The following HMBOX1 variants were observed in gnomAD, a reference collection of about 807,000 sequenced individuals.
HMBOX1 encodes homeobox containing 1.
Under a neutral mutation model 54.5 loss-of-function variants are expected in HMBOX1, and 14 were observed. That is an observed-to-expected ratio of 0.26 (90% confidence interval 0.17 to 0.40). The LOEUF (loss-of-function observed/expected upper bound fraction) is 0.40, where lower values mean the gene tolerates loss of function less well. Among genes scored for constraint, HMBOX1 ranks in the 10% least tolerant of loss-of-function variants. The pLI is 1.00. For missense variants in HMBOX1, 332 were observed against 514.4 expected (o/e 0.65, Z 3.43); for synonymous variants, 160 against 181.0 (o/e 0.88, Z 0.93).
At chr8:28,918,627 A>G (rs1338380581) in intron 1 of HMBOX1, among the ~76,000 whole-genome samples, 1 of 152,220 alleles carries the variant, frequency 6.6e-6, no homozygotes, top group Non-Finnish European at 1.5e-5. Flanking sequence ...AGGGTCTCTA[A>G]TGATGTTCCC....
At chr8:29,033,341 T>TAC (rs1249764624) in intron 6 of HMBOX1, among the ~76,000 whole-genome samples, 1 of 152,234 alleles carries the variant, frequency 6.6e-6, no homozygotes, top group Non-Finnish European at 1.5e-5. Flanking sequence ...CATAATGAAC[T>TAC]ACACCTCCTG....
In HMBOX1 at chr8:28,898,319, A is replaced by G. The variant is rs529727964; in HGVS notation, c.-58+7641A>G. ...TGGTACTTCCTGATAAATAAGATTC[A>G]TATTTACAAAGCTTTTTGGCTACCT... On this transcript the variant is annotated intron_variant, in intron 1 of 9. Coordinates refer to ENST00000287701, the MANE Select transcript of HMBOX1 (RefSeq NM_001135726.3). Among the ~76,000 whole-genome samples the G allele has an allele frequency of 1.8e-3, 267 of 152,294 alleles. 1 individual carries two copies. Among genetic ancestry groups the G allele is most frequent in the Non-Finnish European group, 3.4e-3 (228 of 68,022 alleles).
intron 4 of HMBOX1, among the ~76,000 whole-genome samples, chr8:29,000,216 G>A (rs565109391): frequency 3.3e-5 from 5 of 152,182 alleles, no homozygotes; most frequent in African/African-American, 1.2e-4. Flanking sequence ...TTTTGTCAAG[G>A]GGCTCTCTCT....
At chr8:28,988,652 A>G (rs938497902) in intron 4 of HMBOX1, among the ~76,000 whole-genome samples, 13 of 151,960 alleles carry the variant, frequency 8.6e-5, no homozygotes, top group Admixed American at 6.6e-4. Context: ...CTCTCACTCT[A>G]GTTTTATTTT....
Position 29,051,102 on chromosome 8 carries a change from T to C in HMBOX1, c.1210T>C (p.Leu404=). The C allele has an allele frequency of 3.1e-6, 5 of 1,613,680 alleles. No homozygotes were observed. The highest frequency in any genetic ancestry group is 1.7e-5 in the Admixed American group (1 of 59,938). The part of the protein sequence containing the change: ...MAAVNHTILA[L]ARQGANEIKT... ...AGCAGTCAACCACACTATCTTGGCA[T>C]TGGCCCGACAAGGAGCCAACGAAAT... is the stretch of plus-strand genomic sequence containing the variant. The change falls in exon 10 of 10, where the codon TTG becomes CTG. Residue 404 remains leucine (L), a synonymous_variant. Coordinates refer to ENST00000287701, the MANE Select transcript of HMBOX1 (RefSeq NM_001135726.3).
Position 29,051,282 on chromosome 8 carries a change from G to T in HMBOX1, c.*127G>T, listed in dbSNP as rs529233765. 4 of 998,532 alleles carry T rather than the reference G, an allele frequency of 4.0e-6. No homozygotes were observed. Among genetic ancestry groups the T allele is most frequent in the Admixed American group, 4.6e-5 (2 of 43,840 alleles). The allele number at this position is 998,532 out of a possible 1,614,324, so 61.9% of individuals were successfully genotyped here. ...TCTTGTATGTCAGGTAGCTGTTAGG[G>T]TCTTGTTCTGTGAAGATGGCATGGT... On this transcript the variant is annotated 3_prime_UTR_variant, in exon 10 of 10. Coordinates refer to ENST00000287701, the MANE Select transcript of HMBOX1 (RefSeq NM_001135726.3).
chr8:29,038,663 A>G (rs1184765139), intron 6 of HMBOX1, among the ~76,000 whole-genome samples: 2 of 152,128 alleles, frequency 1.3e-5, no homozygotes, highest in African/African-American at 4.8e-5. Context: ...ATTCCAAAGC[A>G]TCTCTTGAAT....
chr8:29,045,461 G>C lies in HMBOX1; in HGVS notation c.934+18G>C. 1 of 1,602,288 alleles carries C rather than the reference G, an allele frequency of 6.2e-7. No homozygotes were observed. Among genetic ancestry groups the C allele is most frequent in the Non-Finnish European group, 8.6e-7 (1 of 1,169,516 alleles). Reference sequence around the variant, plus strand: ...GAAGCCAGGTAAGGTCGCAGGCACAGCCTTGCTCTGCGGTGCAGCACAGCG... The same window carrying C: ...GAAGCCAGGTAAGGTCGCAGGCACACCCTTGCTCTGCGGTGCAGCACAGCG... On this transcript the variant is annotated intron_variant, in intron 7 of 9. Coordinates refer to ENST00000287701, the MANE Select transcript of HMBOX1 (RefSeq NM_001135726.3).
chr8:29,032,073 A>G (rs1803062313), intron 6 of HMBOX1, among the ~76,000 whole-genome samples: 1 of 152,222 alleles, frequency 6.6e-6, no homozygotes, highest in Non-Finnish European at 1.5e-5. Context: ...TTGCAGCCAG[A>G]TTGGGAATGA....
intron 9 of HMBOX1, chr8:29,049,478 G>T: frequency 6.8e-7 from 1 of 1,464,716 alleles, no homozygotes; most frequent in South Asian, 1.4e-5. Flanking sequence ...ACGTACCGAC[G>T]CAGGGCACGA....
intron 1 of HMBOX1, among the ~76,000 whole-genome samples, chr8:28,960,681 T>A (rs999355748): frequency 4.6e-5 from 7 of 150,740 alleles, no homozygotes; most frequent in African/African-American, 1.7e-4. Context: ...TGTTATTTGG[T>A]CTTTGTGTTT....
chr8:28,962,907 T>A (rs1053129298), intron 1 of HMBOX1, among the ~76,000 whole-genome samples: 1 of 152,138 alleles, frequency 6.6e-6, no homozygotes, highest in Non-Finnish European at 1.5e-5. Flanking sequence ...ACTCCTAAGC[T>A]CCTCTACTGT....
At chr8:29,030,017 A>G (rs2133159106) in intron 6 of HMBOX1, among the ~76,000 whole-genome samples, 1 of 151,950 alleles carries the variant, frequency 6.6e-6, no homozygotes, top group South Asian at 2.1e-4. Context: ...TTAGTTTGCC[A>G]AAAAGACTTC....
chr8:29,003,532 C>T (rs562443162), intron 4 of HMBOX1, among the ~76,000 whole-genome samples: 1 of 70,580 alleles, frequency 1.4e-5, no homozygotes, highest in Admixed American at 1.7e-4. Flanking sequence ...GCATATTTTT[C>T]TGTATTAAAT....
chr8:29,043,443 A>G (rs905241263), intron 6 of HMBOX1, among the ~76,000 whole-genome samples: 2 of 152,172 alleles, frequency 1.3e-5, no homozygotes, highest in Admixed American at 6.5e-5. Context: ...CATACATCCT[A>G]TGGCATTTCA....
intron 4 of HMBOX1, among the ~76,000 whole-genome samples, chr8:28,991,242 A>G (rs1830939863): frequency 6.6e-6 from 1 of 152,188 alleles, no homozygotes; most frequent in African/African-American, 2.4e-5. Context: ...TACTTTAAAG[A>G]TTGCCAGCAC....
chr8:29,049,211 A>G, intron 9 of HMBOX1, 163 bp downstream of exon 9: 1 of 1,502,726 alleles, frequency 6.7e-7, no homozygotes, highest in Non-Finnish European at 8.9e-7. Flanking sequence ...ATTTGAAAGG[A>G]ATGTGGTAAG....
intron 1 of HMBOX1, among the ~76,000 whole-genome samples, chr8:28,895,674 C>CAAAAAAAAAAAAA (rs544463520): frequency 9.5e-5 from 13 of 137,278 alleles, no homozygotes; most frequent in African/African-American, 3.5e-4. Flanking sequence ...GACTCAGTCT[C>CAAAAAAAAAAAAA]AAAAAAAAAA....
chr8:29,015,601 T>A (rs914065824), intron 5 of HMBOX1, among the ~76,000 whole-genome samples: 1 of 152,222 alleles, frequency 6.6e-6, no homozygotes, highest in Non-Finnish European at 1.5e-5. Flanking sequence ...AAATTCCTGC[T>A]TATGTCTAAA....
Sources: gnomAD v4.1 joint callset for allele counts (sites outside exome capture counted in the v4.1 genomes callset) on GRCh38, gnomAD v4.1.1 for gene constraint, MANE v1.5 for transcripts, NCBI Gene and HGNC (gene_info 2026-07-23, HGNC 2026-07-21) for gene names.